TECTA: variants seen among roughly 807,000 people sequenced by gnomAD.
The protein encoded by TECTA is alpha-tectorin.
In TECTA, 128 loss-of-function variants were observed where a neutral mutation model predicts 216.8. The ratio of observed to expected loss-of-function variants is 0.59; its 90% confidence interval spans 0.51 to 0.68. The LOEUF (loss-of-function observed/expected upper bound fraction) is 0.68, where lower values mean the gene tolerates loss of function less well. TECTA is among the 30% of genes least tolerant of loss of function. The pLI is 0.00. For synonymous variants in TECTA, 1,089 were observed against 1,117.1 expected, an observed-to-expected ratio of 0.97 and a Z score of 0.50; for missense variants, 2,551 against 2,786.2, an observed-to-expected ratio of 0.92 and a Z score of 1.90.
At position 121,113,080 on chromosome 11, in the gene TECTA, C is replaced by A. The variant is rs1358652701; in HGVS notation, c.495C>A (p.Thr165=). 1 of 1,614,120 alleles carries A rather than the reference C, an allele frequency of 6.2e-7. No individual in the cohort carries two copies. Among genetic ancestry groups the A allele is most frequent in the African/African-American group, 1.3e-5 (1 of 75,046 alleles). Residue 165 remains threonine (T), a synonymous_variant, in exon 5 of 24, where the codon ACC becomes ACA. Transcript: ENST00000392793. The surrounding 1 kb of genome is among the most constrained non-coding windows in gnomAD (Gnocchi z 4.2). ...GCATTCCCATCCTGTAGGTGAACAC[C>A]TTCCAGGCCGTCCTAGTGTCCGATG... The part of the protein sequence containing the change: ...YGGSSTTPVN[T]FQAVLVSDGS...
chr11:121,145,469 T>G (rs949139316), intron 11 of TECTA, 86 bp from the exon 12 acceptor site: 3 of 1,431,816 alleles, frequency 2.1e-6, no homozygotes, highest in African/African-American at 1.4e-5. Context: ...CTCTGGGACT[T>G]GTCTTTCAAG....
At chr11:121,161,392 T>G (rs746896863) in intron 15 of TECTA, among the ~76,000 whole-genome samples, 2 of 151,968 alleles carry the variant, frequency 1.3e-5, no homozygotes, top group African/African-American at 2.4e-5. Flanking sequence ...GACCTACAGA[T>G]AGAAAAGAGA....
rs1440850737 is a variant in TECTA, at chr11:121,146,110, T to C, written c.4099T>C (p.Ser1367Pro). ...ITVTGWRNYTSCTVTCPPNSH... is the reference protein window; with the variant it reads ...ITVTGWRNYTPCTVTCPPNSH... ...GGTGACTGGCTGGAGGAATTACACG[T>C]CCTGCAGTGAGTCCTTCTCGTTGTC... The change falls in exon 12 of 24, where the codon TCC becomes CCC. Residue 1367 changes from serine (S) to proline (P), a missense_variant. By Grantham distance (74) the Ser-to-Pro change is moderately conservative (BLOSUM62 -1). This residue lies in a region of TECTA where 2,375 missense variants were observed against 2,563.9 expected (regional missense o/e 0.93). Transcript: ENST00000392793. The C allele has an allele frequency of 1.2e-6, 2 of 1,607,380 alleles. No individual in the cohort carries two copies. Among genetic ancestry groups the C allele is most frequent in the Non-Finnish European group, 1.7e-6 (2 of 1,180,002 alleles).
intron 6 of TECTA, among the ~76,000 whole-genome samples, chr11:121,117,517 A>G (rs1181909406): frequency 6.6e-6 from 1 of 152,196 alleles, no homozygotes; most frequent in Non-Finnish European, 1.5e-5. Flanking sequence ...ATGTCTACCA[A>G]AGAAATAATA....
chr11:121,108,647 A>T (rs1031020622), intron 3 of TECTA, among the ~76,000 whole-genome samples: 1 of 147,982 alleles, frequency 6.8e-6, no homozygotes. Context: ...ACACACACAA[A>T]GCCCACTCCA....
At chr11:121,130,886 G>A (rs891827871) in intron 10 of TECTA, among the ~76,000 whole-genome samples, 1 of 152,190 alleles carries the variant, frequency 6.6e-6, no homozygotes, top group Non-Finnish European at 1.5e-5. Flanking sequence ...CCACCACAAA[G>A]GTGGGCCCCA....
At chr11:121,133,407 T>A (rs1946694188) in intron 10 of TECTA, among the ~76,000 whole-genome samples, 1 of 152,338 alleles carries the variant, frequency 6.6e-6, no homozygotes, top group South Asian at 2.1e-4. Context: ...ACATCCATAT[T>A]CCAATTTTGT....
At chr11:121,168,620 G>T in intron 19 of TECTA, 57 bp from the exon 20 acceptor site, 2 of 1,613,486 alleles carry the variant, frequency 1.2e-6, no homozygotes, top group Non-Finnish European at 8.5e-7. Flanking sequence ...AAAATGGTAG[G>T]TAATTGAATA....
In TECTA at chr11:121,128,382, G is replaced by A. The variant is rs961585117; in HGVS notation, c.2367+38G>A. 8 of 1,585,502 alleles carry A rather than the reference G, an allele frequency of 5.0e-6. No homozygotes were observed. In the Admixed American group the frequency reaches 1.0e-4, roughly 20 times the overall value. ...GCTCCTTTGGAGGGGTTCCTGGTAC[G>A]TCCAGCCAGGAGGAGGAGCTCGCCA... On this transcript the variant is annotated intron_variant, in intron 9 of 23. Transcript: ENST00000392793.
intron 20 of TECTA, among the ~76,000 whole-genome samples, chr11:121,179,852 T>C (rs1249451571): frequency 1.3e-5 from 2 of 152,168 alleles, no homozygotes; most frequent in Non-Finnish European, 2.9e-5. Flanking sequence ...TGCTTGCTTT[T>C]GGTTTTGATT....
intron 2 of TECTA, among the ~76,000 whole-genome samples, chr11:121,103,025 T>G (rs192066633): frequency 4.4e-4 from 67 of 152,310 alleles, no homozygotes; most frequent in African/African-American, 1.2e-3. Flanking sequence ...TAAAAGTAGA[T>G]AAGATAGGGG....
intron 10 of TECTA, among the ~76,000 whole-genome samples, chr11:121,134,814 C>T (rs781295054): frequency 2.6e-5 from 4 of 152,170 alleles, no homozygotes; most frequent in Non-Finnish European, 4.4e-5. Context: ...CTGCATGGAG[C>T]ACAGTTTGGT....
chr11:121,180,882 T>C (rs1484725319), intron 20 of TECTA, among the ~76,000 whole-genome samples: 1 of 151,718 alleles, frequency 6.6e-6, no homozygotes, highest in Non-Finnish European at 1.5e-5. Flanking sequence ...AAATTCTTTA[T>C]TCTGGCCAGG....
intron 2 of TECTA, among the ~76,000 whole-genome samples, chr11:121,104,268 C>G (rs2135048478): frequency 6.6e-6 from 1 of 151,984 alleles, no homozygotes; most frequent in Admixed American, 6.5e-5. Context: ...ATTAGTACTT[C>G]CAGGAATTTT....
chr11:121,103,328 G>T (rs1244795207), intron 2 of TECTA, among the ~76,000 whole-genome samples: 1 of 152,122 alleles, frequency 6.6e-6, no homozygotes, highest in Non-Finnish European at 1.5e-5. Context: ...AGACGGGGCG[G>T]TCTACGTAGA....
chr11:121,146,032 G>A lies in TECTA; in HGVS notation c.4021G>A (p.Ala1341Thr), dbSNP rs376729260. 5.0e-5 allele frequency: 80 copies of A among 1,613,822 alleles called. No individual in the cohort carries two copies. The highest frequency in any genetic ancestry group is 2.3e-4 in the African/African-American group (17 of 75,072). The change falls in exon 12 of 24, where the codon GCC (alanine) becomes ACC (threonine). Residue 1341 changes from alanine to threonine, a missense_variant. Physicochemically the swap from Ala to Thr is moderately conservative, Grantham distance 58 (BLOSUM62 0). Coordinates refer to ENST00000392793, the MANE Select transcript of TECTA (RefSeq NM_005422.4). ...CATCGATGGGGGCGCGGTGCAGACC[G>A]CCTGCAGCTGGCTGCAGAACTACGC... ...SCIDGGAVQT[A>T]CSWLQNYAST...
At chr11:121,168,397 T>C (rs1947077281) in intron 19 of TECTA, 180 bp downstream of exon 19, 2 of 942,684 alleles carry the variant, frequency 2.1e-6, no homozygotes, top group Non-Finnish European at 3.3e-6. Flanking sequence ...GATGGAAATA[T>C]TCCATCTGTA....
chr11:121,151,887 G>T (rs1006899212), intron 12 of TECTA, among the ~76,000 whole-genome samples: 1 of 152,194 alleles, frequency 6.6e-6, no homozygotes, highest in Non-Finnish European at 1.5e-5. Flanking sequence ...TTTAGTATAC[G>T]TTGATTGAGA....
intron 7 of TECTA, among the ~76,000 whole-genome samples, chr11:121,119,249 A>G (rs1157740674): frequency 6.6e-6 from 1 of 152,126 alleles, no homozygotes; most frequent in Non-Finnish European, 1.5e-5. Flanking sequence ...AAATGGATTG[A>G]TGTCTCCAGA....
Sources: allele counts gnomAD v4.1 joint callset (sites outside exome capture counted in the v4.1 genomes callset), GRCh38; gene constraint gnomAD v4.1.1; regional missense constraint gnomAD v4.1.1; non-coding constraint Gnocchi (gnomAD v3.1); transcripts MANE v1.5; gene names NCBI Gene and HGNC (gene_info 2026-07-23, HGNC 2026-07-21).